Variants in PLCZ1 observed in about 807,000 individuals in gnomAD.
PLCZ1 encodes 1-phosphatidylinositol 4,5-bisphosphate phosphodiesterase zeta-1.
Under a neutral mutation model 76.8 loss-of-function variants are expected in PLCZ1, and 64 were observed. The observed-to-expected ratio is 0.83, with a 90% CI of 0.68 to 1.03. The LOEUF (loss-of-function observed/expected upper bound fraction) is 1.03, where lower values mean the gene tolerates loss of function less well. Among genes scored for constraint, PLCZ1 ranks in the 50% least tolerant of loss-of-function variants. The pLI is 0.00. For missense variants in PLCZ1, 751 were observed against 713.7 expected, an observed-to-expected ratio of 1.05 and a Z score of -0.60; for synonymous variants, 248 against 230.8, an observed-to-expected ratio of 1.07 and a Z score of -0.68.
At chr12:18,721,175 C>A (rs1337961722) in intron 4 of PLCZ1, among the ~76,000 whole-genome samples, 2 of 151,986 alleles carry the variant, frequency 1.3e-5, no homozygotes, top group African/African-American at 2.4e-5. Context: ...AAATAAATAT[C>A]TTTGGTAATG....
At chr12:18,701,353 C>T (rs974203510) in intron 9 of PLCZ1, 148 bp downstream of exon 9, 17 of 1,404,366 alleles carry the variant, frequency 1.2e-5, no homozygotes, top group East Asian at 2.5e-5. Context: ...CTTCCACCAT[C>T]GATGTTTTCA....
the PLCZ1 span, among the ~76,000 whole-genome samples, chr12:18,674,222 C>T: frequency 6.6e-6 from 1 of 152,182 alleles, no homozygotes; most frequent in African/African-American, 2.4e-5. Flanking sequence ...ATATAAGCCA[C>T]ATATATTAAA....
chr12:18,708,795 G>C (rs1333841463), intron 6 of PLCZ1, among the ~76,000 whole-genome samples: 1 of 151,984 alleles, frequency 6.6e-6, no homozygotes, highest in Non-Finnish European at 1.5e-5. Flanking sequence ...ATACTTGTTG[G>C]CCATTTTTAT....
At chr12:18,729,174 C>T (rs554309847) in intron 3 of PLCZ1, among the ~76,000 whole-genome samples, 1 of 152,122 alleles carries the variant, frequency 6.6e-6, no homozygotes, top group East Asian at 1.9e-4. Flanking sequence ...CTGGCTATAA[C>T]TGTCATTTGC....
intron 6 of PLCZ1, among the ~76,000 whole-genome samples, chr12:18,710,708 A>C (rs953479525): frequency 6.6e-6 from 1 of 152,150 alleles, no homozygotes; most frequent in African/African-American, 2.4e-5. Flanking sequence ...GAGATAGTTA[A>C]ATTCAGGATA....
chr12:18,670,076 T>C, the PLCZ1 span, among the ~76,000 whole-genome samples: 6 of 152,102 alleles, frequency 3.9e-5, no homozygotes, highest in South Asian at 2.1e-4. Flanking sequence ...TACCACCCCA[T>C]TGGGAGTTAG....
the PLCZ1 span, among the ~76,000 whole-genome samples, chr12:18,668,630 T>A: frequency 6.6e-6 from 1 of 152,098 alleles, no homozygotes; most frequent in East Asian, 1.9e-4. Flanking sequence ...AGCCCACAGA[T>A]CATAGCACAA....
At chr12:18,726,529 G>A (rs557835562) in intron 3 of PLCZ1, among the ~76,000 whole-genome samples, 12 of 152,114 alleles carry the variant, frequency 7.9e-5, no homozygotes, top group East Asian at 5.8e-4. Context: ...ATTACTATAC[G>A]TTTAAATGAG....
At chr12:18,658,213 A>G in the PLCZ1 span, among the ~76,000 whole-genome samples, 1 of 152,186 alleles carries the variant, frequency 6.6e-6, no homozygotes, top group Non-Finnish European at 1.5e-5. Flanking sequence ...CACCAAGTAT[A>G]TTAACATTTG....
intron 7 of PLCZ1, among the ~76,000 whole-genome samples, chr12:18,703,041 A>G (rs1333134800): frequency 1.3e-5 from 2 of 152,130 alleles, no homozygotes; most frequent in African/African-American, 2.4e-5. Context: ...AATGAAAGCT[A>G]TGTACGGGAA....
Position 18,701,728 on chromosome 12 carries a change from T to C in PLCZ1, c.913A>G (p.Lys305Glu). The C allele has an allele frequency of 6.2e-7, 1 of 1,612,886 alleles. No individual in the cohort carries two copies. Among genetic ancestry groups the C allele is most frequent in the South Asian group, 1.1e-5 (1 of 90,726 alleles). Residue 305 changes from lysine (K) to glutamate (E), a missense_variant, in exon 8 of 15, where the codon AAG becomes GAG. Coordinates refer to ENST00000266505, the MANE Select transcript of PLCZ1 (RefSeq NM_033123.4). ...LVKNKKIGTL[K>E]ETHERKGSDK... is the part of the protein sequence containing the mutation. ...GAACCTTTTCTTTCATGGGTTTCCT[T>C]TAAGGTTCCTATTTTCTTATTTTTA...
intron 7 of PLCZ1, among the ~76,000 whole-genome samples, chr12:18,703,783 C>A (rs1434182185): frequency 1.3e-5 from 2 of 152,140 alleles, no homozygotes; most frequent in African/African-American, 4.8e-5. Flanking sequence ...TCTTGTGTGT[C>A]CCAGAAAGCT....
chr12:18,719,471 C>G lies in PLCZ1; in HGVS notation c.529G>C (p.Asp177His). ...SSSHNTYLVS[D>H]QLLGPSDLWG... ...AGGTCACTTGGTCCCAATAATTGATCAGATACCAAATATGTGTTATGTGAA... is the reference window on the plus strand; with the variant it reads ...AGGTCACTTGGTCCCAATAATTGATGAGATACCAAATATGTGTTATGTGAA... Residue 177 changes from aspartate to histidine, a missense_variant, in exon 5 of 15, where the codon GAT becomes CAT. Physicochemically the swap from Asp to His is moderately conservative, Grantham distance 81. Transcript: ENST00000266505. 1 of 1,563,884 alleles carries G rather than the reference C, an allele frequency of 6.4e-7. No homozygotes were observed. The highest frequency in any genetic ancestry group is 1.4e-5 in the African/African-American group (1 of 73,406).
At chr12:18,650,752 ATATATATATATAT>A in the PLCZ1 span, among the ~76,000 whole-genome samples, 1 of 99,884 alleles carries the variant, frequency 1.0e-5, no homozygotes, top group African/African-American at 4.4e-5. Context: ...ATATATATAT[ATATATATATATAT>A]TCCAGTCCAT....
At chr12:18,726,506 G>T (rs944231341) in intron 3 of PLCZ1, among the ~76,000 whole-genome samples, 1 of 152,108 alleles carries the variant, frequency 6.6e-6, no homozygotes, top group Non-Finnish European at 1.5e-5. Flanking sequence ...GACCTACCTA[G>T]AGGAGGAGCT....
intron 6 of PLCZ1, among the ~76,000 whole-genome samples, chr12:18,709,974 A>C (rs910768319): frequency 6.6e-6 from 1 of 151,872 alleles, no homozygotes; most frequent in South Asian, 2.1e-4. Context: ...TTGCGTATAA[A>C]AATACTACTG....
At chr12:18,737,642 T>G in intron 1 of PLCZ1, 133 bp from the exon 2 acceptor site, 1 of 570,846 alleles carries the variant, frequency 1.8e-6, no homozygotes, top group East Asian at 3.0e-5. Context: ...GTTTGGCTTC[T>G]TACGTTCTGA....
At chr12:18,657,540 C>T in the PLCZ1 span, among the ~76,000 whole-genome samples, 104 of 152,170 alleles carry the variant, frequency 6.8e-4, 1 homozygote, top group Admixed American at 1.4e-3. Flanking sequence ...TTGTTGTTTT[C>T]GGCTCCAGTA....
At chr12:18,647,954 G>C in the PLCZ1 span, 1 of 1,600,594 alleles carries the variant, frequency 6.2e-7, no homozygotes, top group Non-Finnish European at 8.5e-7. Flanking sequence ...ATTTGTGGGA[G>C]CAATTAACAT....
Sources: allele counts gnomAD v4.1 joint callset (sites outside exome capture counted in the v4.1 genomes callset), GRCh38; gene constraint gnomAD v4.1.1; transcripts MANE v1.5; gene names NCBI Gene and HGNC (gene_info 2026-07-23, HGNC 2026-07-21).